The following C16orf95 variants were observed in gnomAD, a reference collection of about 807,000 sequenced individuals.
The protein encoded by C16orf95 is chromosome 16 open reading frame 95, also known as uncharacterized protein C16orf95.
C16orf95 carries 41 observed loss-of-function variants against 32.1 expected under a neutral mutation model. That is an observed-to-expected ratio of 1.28 (90% CI 1.00 to 1.66). The LOEUF is 1.66. Ranked by LOEUF, C16orf95 falls within the 40% of genes most tolerant of loss-of-function variation. C16orf95 has a pLI of 0.00. For missense variants in C16orf95, 399 were observed against 325.9 expected (o/e 1.22, Z -1.73); for synonymous variants, 147 against 128.9 (o/e 1.14, Z -0.95).
Position 87,310,912 on chromosome 16 carries a change from G to A in C16orf95, c.477+238C>T, listed in dbSNP as rs528248634. On this transcript the variant is annotated intron_variant, in intron 4 of 6. Coordinates refer to ENST00000567970, the MANE Select transcript of C16orf95 (RefSeq NM_001195124.3). ...ATCACCCCTCTGCAGAGAGCAGCGCGGCCCTGCCCTTCCAGTGCCAACTGG... is the reference window on the plus strand; with the variant it reads ...ATCACCCCTCTGCAGAGAGCAGCGCAGCCCTGCCCTTCCAGTGCCAACTGG... Among the ~76,000 whole-genome samples, 8 of 152,258 alleles carry A rather than the reference G, an allele frequency of 5.3e-5. No individual in the cohort carries two copies. In the South Asian group the frequency reaches 6.2e-4, roughly 12 times the overall value.
At position 87,315,098 on chromosome 16, in the gene C16orf95, T is replaced by C; in HGVS notation, c.205-2A>G. 1 of 1,535,622 alleles carries C rather than the reference T, an allele frequency of 6.5e-7. No homozygotes were observed. The highest frequency in any genetic ancestry group is 8.7e-7 in the Non-Finnish European group (1 of 1,146,716). ...GATGGCCCAGGGGCCAGGGTGCATC[T>C]GAGTAAGATCCAGAAATGACAGAAC... On this transcript the variant is annotated splice_acceptor_variant, in intron 2 of 6. Transcript: ENST00000567970. LOFTEE classifies it high-confidence loss of function.
Position 87,317,292 on chromosome 16 carries a change from C to A in C16orf95, c.-50G>T, listed in dbSNP as rs890111725. 6.8e-7 allele frequency: 1 copy of A among 1,460,634 alleles called. No homozygotes were observed. Among genetic ancestry groups the A allele is most frequent in the Non-Finnish European group, 9.0e-7 (1 of 1,105,236 alleles). 90.5% of individuals were successfully genotyped at this position (1,460,634 alleles called of 1,614,324 possible). A position where few individuals can be genotyped will look rare whatever the true frequency, so the allele number is the denominator to read the frequency against. ...CTTTCACACACACATCGTCCGCAGG[C>A]CCTGACGCCCTGGCTCCCGCCTTTC... On this transcript the variant is annotated 5_prime_UTR_variant, in exon 1 of 7. Coordinates refer to ENST00000567970, the MANE Select transcript of C16orf95 (RefSeq NM_001195124.3).
chr16:87,310,396 G>T lies in C16orf95; in HGVS notation c.478-63C>A, dbSNP rs1597344980. On this transcript the variant is annotated intron_variant, in intron 4 of 6. Coordinates refer to ENST00000567970, the MANE Select transcript of C16orf95 (RefSeq NM_001195124.3). ...GACCCTCCAAGGGGGAAGGCCTGGT[G>T]ATTGGGACTCCAAACCTCCAGGAGG... 4.7e-6 allele frequency: 7 copies of T among 1,495,570 alleles called. No homozygotes were observed. In the South Asian group the frequency reaches 8.4e-5, roughly 18 times the overall value. The allele number at this position is 1,495,570 out of a possible 1,614,324, so 92.6% of individuals were successfully genotyped here. A position where few individuals can be genotyped will look rare whatever the true frequency, so the allele number is the denominator to read the frequency against.
At chr16:87,315,415 C>T (rs1458320363) in intron 2 of C16orf95, among the ~76,000 whole-genome samples, 1 of 152,246 alleles carries the variant, frequency 6.6e-6, no homozygotes, top group East Asian at 1.9e-4. Flanking sequence ...CTTATGCGCA[C>T]ATGAGTGCTG....
At chr16:87,308,454 G>A (rs1425434179) in intron 5 of C16orf95, among the ~76,000 whole-genome samples, 2 of 151,680 alleles carry the variant, frequency 1.3e-5, no homozygotes, top group Non-Finnish European at 2.9e-5. Context: ...GCAAGCCTGG[G>A]TGACAAAGTG....
chr16:87,314,186 G>A (rs893768492), intron 3 of C16orf95, among the ~76,000 whole-genome samples: 8 of 152,034 alleles, frequency 5.3e-5, no homozygotes, highest in African/African-American at 1.7e-4. Context: ...GAAGAATGAC[G>A]GCATATGTGC....
chr16:87,317,060 T>G (rs894890036), intron 1 of C16orf95, 31 bp downstream of exon 1: 4 of 1,479,032 alleles, frequency 2.7e-6, no homozygotes, highest in Non-Finnish European at 3.6e-6. Flanking sequence ...AGGTGTCGGG[T>G]AGCCGCGGGC....
At chr16:87,310,272 T>A (rs757723509) in intron 5 of C16orf95, 25 bp downstream of exon 5, 4 of 1,527,622 alleles carry the variant, frequency 2.6e-6, no homozygotes, top group Non-Finnish European at 3.5e-6. Context: ...GGGGATGATA[T>A]GAGACACACA....
At chr16:87,307,623 T>C (rs1013812337) in intron 5 of C16orf95, among the ~76,000 whole-genome samples, 2 of 152,012 alleles carry the variant, frequency 1.3e-5, no homozygotes, top group African/African-American at 4.8e-5. Flanking sequence ...CTGGGTATGG[T>C]GGTACACTCC....
chr16:87,306,801 A>G (rs1036072411), intron 5 of C16orf95, among the ~76,000 whole-genome samples: 2 of 152,288 alleles, frequency 1.3e-5, no homozygotes, highest in East Asian at 1.9e-4. Context: ...TTGAGGCTTG[A>G]AACATTACTT....
chr16:87,310,690 G>A (rs532810214), intron 4 of C16orf95, among the ~76,000 whole-genome samples: 13 of 152,280 alleles, frequency 8.5e-5, no homozygotes, highest in Non-Finnish European at 1.5e-4. Flanking sequence ...ATCTACTGGT[G>A]GTCCGTCCCG....
At chr16:87,313,212 A>AAG (rs1911363496) in intron 3 of C16orf95, among the ~76,000 whole-genome samples, 1 of 149,854 alleles carries the variant, frequency 6.7e-6, no homozygotes, top group Admixed American at 6.6e-5. Flanking sequence ...AAAAAGAGAA[A>AAG]AGCCAAGTCT....
intron 3 of C16orf95, among the ~76,000 whole-genome samples, 179 bp from the exon 4 acceptor site, chr16:87,311,475 G>A (rs926363039): frequency 6.6e-6 from 1 of 152,200 alleles, no homozygotes; most frequent in Non-Finnish European, 1.5e-5. Context: ...ATGGGACTGT[G>A]GTCTACCCTC....
rs1430590606 is a variant in C16orf95 at position 87,302,846 on chromosome 16, C to T, written c.*211G>A. ...TTTCACAAATAACATTTATTGACCA[C>T]ATTCATAACAGAAACTCACCCACAT... On this transcript the variant is annotated 3_prime_UTR_variant, in exon 7 of 7. Coordinates refer to ENST00000567970, the MANE Select transcript of C16orf95 (RefSeq NM_001195124.3). The T allele has an allele frequency of 1.7e-5, 10 of 592,782 alleles. No homozygotes were observed. Among genetic ancestry groups the T allele is most frequent in the Non-Finnish European group, 2.7e-5 (9 of 329,568 alleles). The allele number at this position is 592,782 out of a possible 1,614,324, so 36.7% of individuals were successfully genotyped here.
intron 5 of C16orf95, among the ~76,000 whole-genome samples, chr16:87,309,502 G>A (rs1911184378): frequency 6.8e-6 from 1 of 146,786 alleles, no homozygotes; most frequent in South Asian, 2.2e-4. Flanking sequence ...TCATGCCTCA[G>A]CCTCCTAAGT....
At chr16:87,309,372 CT>C (rs10551847) in intron 5 of C16orf95, among the ~76,000 whole-genome samples, 277 of 85,946 alleles carry the variant, frequency 3.2e-3, no homozygotes, top group African/African-American at 0.012. Context: ...TCTTTCTTTT[CT>C]TTTTTTTTTT....
chr16:87,304,283 C>G (rs796069963), intron 6 of C16orf95, among the ~76,000 whole-genome samples: 28 of 44,518 alleles, frequency 6.3e-4, no homozygotes, highest in African/African-American at 2.3e-3. Flanking sequence ...GTGCTGGGAT[C>G]CAGGTGTAGG....
chr16:87,305,999 G>A lies in C16orf95; in HGVS notation c.515-94C>T, dbSNP rs965076193. The A allele has an allele frequency of 4.9e-6, 5 of 1,018,044 alleles. No homozygotes were observed. In the African/African-American group the frequency reaches 6.8e-5, roughly 14 times the overall value. 63.1% of individuals were successfully genotyped at this position (1,018,044 alleles called of 1,614,324 possible). ...GCAACACCAGCCCCAGAGCCTCCGGGAAATGGGGACTTCCAGGACCCAGCC... is the reference window on the plus strand; with the variant it reads ...GCAACACCAGCCCCAGAGCCTCCGGAAAATGGGGACTTCCAGGACCCAGCC... On this transcript the variant is annotated intron_variant, in intron 5 of 6. Coordinates refer to ENST00000567970, the MANE Select transcript of C16orf95 (RefSeq NM_001195124.3). The surrounding 1 kb of genome is among the most constrained non-coding windows in gnomAD (Gnocchi z 4.2).
rs1054183446 is a variant in C16orf95, at chr16:87,313,165, A to C, written c.330+1806T>G. Among the ~76,000 whole-genome samples the C allele has an allele frequency of 1.1e-4, 16 of 151,882 alleles. No individual in the cohort carries two copies. The South Asian group carries it at 1.2e-3, about 12-fold the overall frequency. ...GTAGGGTACTTTTGTAGAAACTGAC[A>C]AACTGATTCTAAAATTCACATGGAA... On this transcript the variant is annotated intron_variant, in intron 3 of 6. Coordinates refer to ENST00000567970, the MANE Select transcript of C16orf95 (RefSeq NM_001195124.3).
Sources: allele counts gnomAD v4.1 joint callset (sites outside exome capture counted in the v4.1 genomes callset), GRCh38; gene constraint gnomAD v4.1.1; non-coding constraint Gnocchi (gnomAD v3.1); transcripts MANE v1.5; gene names NCBI Gene and HGNC (gene_info 2026-07-23, HGNC 2026-07-21).